Variants in SPTAN1 observed in about 807,000 individuals in gnomAD.
SPTAN1 encodes the protein spectrin alpha, non-erythrocytic 1.
SPTAN1 carries 61 observed loss-of-function variants against 331.3 expected under a neutral mutation model. The observed-to-expected ratio is 0.18, with a 90% CI of 0.15 to 0.23. The LOEUF is 0.23. Ranked by LOEUF, SPTAN1 falls within the 10% of genes least tolerant of loss-of-function variation. SPTAN1 has a pLI of 1.00. For synonymous variants in SPTAN1, 1,153 were observed against 1,173.9 expected, an observed-to-expected ratio of 0.98 and a Z score of 0.36; for missense variants, 2,043 against 3,147.9, an observed-to-expected ratio of 0.65 and a Z score of 8.40.
intron 27 of SPTAN1, among the ~76,000 whole-genome samples, chr9:128,602,000 C>G (rs1855212733): frequency 1.3e-5 from 2 of 152,186 alleles, no homozygotes. Flanking sequence ...GCCTTACCCC[C>G]TCAACAGAAT....
chr9:128,631,149 G>T (rs1185942749), intron 52 of SPTAN1, among the ~76,000 whole-genome samples: 2 of 151,960 alleles, frequency 1.3e-5, no homozygotes, highest in African/African-American at 4.8e-5. Flanking sequence ...CCGGCCGAGG[G>T]CTCTTCACTT....
chr9:128,631,740 T>C (rs1166534180), intron 52 of SPTAN1: 1 of 231,946 alleles, frequency 4.3e-6, no homozygotes, highest in Non-Finnish European at 8.6e-6. Flanking sequence ...GGCAGGAGAA[T>C]CACTTGAACC....
intron 1 of SPTAN1, among the ~76,000 whole-genome samples, chr9:128,559,458 C>T (rs931078488): frequency 6.6e-6 from 1 of 152,124 alleles, no homozygotes; most frequent in African/African-American, 2.4e-5. Context: ...TGCAGTGACT[C>T]CTGTGATAGG....
intron 1 of SPTAN1, among the ~76,000 whole-genome samples, chr9:128,561,033 A>AAAG (rs1554731280): frequency 1.1e-4 from 16 of 148,618 alleles, no homozygotes; most frequent in African/African-American, 4.0e-4. Flanking sequence ...AAAAAAAAAA[A>AAAG]AAGAAGTGAA....
intron 1 of SPTAN1, among the ~76,000 whole-genome samples, chr9:128,561,015 C>CAAAAAA (rs10648319): frequency 5.0e-5 from 3 of 60,258 alleles, no homozygotes; most frequent in East Asian, 5.2e-4. Context: ...GACCCCATCT[C>CAAAAAA]AAAAAAAAAA....
intron 20 of SPTAN1, among the ~76,000 whole-genome samples, chr9:128,588,198 A>C (rs974145589): frequency 3.3e-5 from 5 of 150,602 alleles, no homozygotes; most frequent in African/African-American, 1.2e-4. Flanking sequence ...GGGTTTCACT[A>C]TGTTGGCCGG....
chr9:128,598,296 CTG>C, intron 24 of SPTAN1, 102 bp from the exon 25 acceptor site: 2 of 818,894 alleles, frequency 2.4e-6, no homozygotes, highest in Admixed American at 4.3e-5. Flanking sequence ...TGGTAGGCCT[CTG>C]TAGAAGAATC....
intron 24 of SPTAN1, among the ~76,000 whole-genome samples, chr9:128,596,893 C>T (rs974737969): frequency 2.0e-5 from 3 of 152,122 alleles, no homozygotes; most frequent in South Asian, 2.1e-4. Flanking sequence ...GGCCCAGTGG[C>T]GCATGCCTGT....
chr9:128,627,821 C>T lies in SPTAN1; in HGVS notation c.6690-104C>T. ...TGTGCGTTGGGTACTGATGTTCTTG[C>T]TTTTGTTTTCCTTTCTTTCTTGTGT... On this transcript the variant is annotated intron_variant, in intron 50 of 56. Transcript: ENST00000372739. This position sits in a 1 kb window ranked among gnomAD's most constrained non-coding sequence, Gnocchi z 4.9. 1 of 1,445,090 alleles carries T rather than the reference C, an allele frequency of 6.9e-7. No homozygotes were observed. 89.5% of individuals were successfully genotyped at this position (1,445,090 alleles called of 1,614,324 possible).
At chr9:128,617,494 T>G in intron 41 of SPTAN1, 146 bp from the exon 42 acceptor site, 1 of 1,143,082 alleles carries the variant, frequency 8.7e-7, no homozygotes, top group Non-Finnish European at 1.3e-6. Flanking sequence ...ATTTGGGAAG[T>G]AGAGGCTTTT....
rs10123457 is a variant in SPTAN1 at position 128,603,703 on chromosome 9, C to A, written c.3627+113C>A. The A allele has an allele frequency of 4.4e-4, 567 of 1,290,648 alleles. 1 individual carries two copies. In the African/African-American group the frequency reaches 7.3e-3, roughly 17 times the overall value. The allele number at this position is 1,290,648 out of a possible 1,614,324, so 79.9% of individuals were successfully genotyped here. A position where few individuals can be genotyped will look rare whatever the true frequency, so the allele number is the denominator to read the frequency against. ...CAACCGGGTGACCTGTGACATATCT[C>A]ACTCTATTGGGTCCAAGCATGTCCT... On this transcript the variant is annotated intron_variant, in intron 28 of 56. Transcript: ENST00000372739.
At chr9:128,614,633 G>A (rs1352701420) in intron 40 of SPTAN1, among the ~76,000 whole-genome samples, 1 of 150,188 alleles carries the variant, frequency 6.7e-6, no homozygotes, top group Non-Finnish European at 1.5e-5. Flanking sequence ...TTAGCCAAAC[G>A]TTGGGGTATG....
intron 31 of SPTAN1, among the ~76,000 whole-genome samples, 157 bp downstream of exon 31, chr9:128,605,634 A>G (rs1564274647): frequency 1.3e-5 from 2 of 152,202 alleles, no homozygotes; most frequent in Admixed American, 1.3e-4. Context: ...GCTTGAACTC[A>G]GGAGCCGGAG....
At position 128,609,104 on chromosome 9, in the gene SPTAN1, A is replaced by G. The variant is rs373286978; in HGVS notation, c.4596-18A>G. The G allele has an allele frequency of 1.2e-6, 2 of 1,613,864 alleles. No individual in the cohort carries two copies. Among genetic ancestry groups the G allele is most frequent in the Non-Finnish European group, 1.7e-6 (2 of 1,179,890 alleles). The stretch of plus-strand genomic sequence containing the variant: ...GTAAGATATGCTCATGTTGGATCTC[A>G]TGGTTTCACTCTTTCAGGTGGCGAC... On this transcript the variant is annotated intron_variant, in intron 35 of 56. Transcript: ENST00000372739.
At position 128,582,846 on chromosome 9, in the gene SPTAN1, T is replaced by C. The variant is rs1852115340; in HGVS notation, c.1803T>C (p.Tyr601=). 8 of 1,612,626 alleles carry C rather than the reference T, an allele frequency of 5.0e-6. No individual in the cohort carries two copies. The highest frequency in any genetic ancestry group is 6.8e-6 in the Non-Finnish European group (8 of 1,180,030). The change falls in exon 14 of 57, where the codon TAT becomes TAC. Residue 601 remains tyrosine (Y), a synonymous_variant. Coordinates refer to ENST00000372739, the MANE Select transcript of SPTAN1 (RefSeq NM_001130438.3). ...TGAAAACTGCCACAGATGAAGCTTA[T>C]AAAGTAATGTACTGTTAGTGTTGCC... ...EKMKTATDEA[Y]KDPSNLQGKV...
intron 26 of SPTAN1, chr9:128,599,879 C>A: frequency 1.6e-6 from 1 of 618,366 alleles, no homozygotes; most frequent in Non-Finnish European, 2.9e-6. Context: ...ATTTTTCTCT[C>A]CCCTGTTTGT....
At chr9:128,597,012 T>C (rs1213063505) in intron 24 of SPTAN1, among the ~76,000 whole-genome samples, 2 of 152,040 alleles carry the variant, frequency 1.3e-5, no homozygotes, top group African/African-American at 4.8e-5. Context: ...ATACAAAAAT[T>C]AGCTGGGCGT....
intron 45 of SPTAN1, among the ~76,000 whole-genome samples, chr9:128,622,805 T>C (rs1338741163): frequency 1.3e-5 from 2 of 151,986 alleles, no homozygotes; most frequent in African/African-American, 2.4e-5. Context: ...CAGGCTGGAG[T>C]GCACTGGCGC....
In SPTAN1 at chr9:128,574,859, A is replaced by C. The variant is rs773485341; in HGVS notation, c.504+44A>C. ...GGTTTGCTAAGCTTTACTCAAAGAA[A>C]AGGGAAGAGACTCCTCTGTGATCTG... On this transcript the variant is annotated intron_variant, in intron 4 of 56. Transcript: ENST00000372739. 6.2e-6 allele frequency: 10 copies of C among 1,613,432 alleles called. No homozygotes were observed. In the East Asian group the frequency reaches 2.0e-4, roughly 32 times the overall value.
Sources: allele counts gnomAD v4.1 joint callset (sites outside exome capture counted in the v4.1 genomes callset), GRCh38; gene constraint gnomAD v4.1.1; non-coding constraint Gnocchi (gnomAD v3.1); transcripts MANE v1.5; gene names NCBI Gene and HGNC (gene_info 2026-07-23, HGNC 2026-07-21).